The following ZFP90 variants were observed in gnomAD, a reference collection of about 807,000 sequenced individuals.
ZFP90 encodes zinc finger protein 90 homolog.
A neutral mutation model predicts 60.8 loss-of-function variants in ZFP90; 38 were observed. The observed-to-expected ratio is 0.62, with a 90% CI of 0.48 to 0.82. The LOEUF is 0.82. Among genes scored for constraint, ZFP90 ranks in the 40% least tolerant of loss-of-function variants. The pLI is 0.00. For synonymous variants in ZFP90, 287 were observed against 264.8 expected (o/e 1.08, Z -0.82); for missense variants, 711 against 759.1 (o/e 0.94, Z 0.74).
intron 2 of ZFP90, among the ~76,000 whole-genome samples, chr16:68,541,162 A>G (rs2091042459): frequency 6.6e-6 from 1 of 151,984 alleles, no homozygotes; most frequent in Non-Finnish European, 1.5e-5. Flanking sequence ...CAACCTCCCT[A>G]GTAGCTGGGA....
chr16:68,550,323 A>C lies in ZFP90; in HGVS notation c.34-7675A>C, dbSNP rs530000617. Reference sequence around the variant, plus strand: ...CGCCCAGGCTGGAGTGTAGTGGCGCAATCTTGGCTCACTGTAACCTCCGCC... The same window carrying C: ...CGCCCAGGCTGGAGTGTAGTGGCGCCATCTTGGCTCACTGTAACCTCCGCC... On this transcript the variant is annotated intron_variant, in intron 2 of 4. Transcript: ENST00000563169. Among the ~76,000 whole-genome samples, 177 of 152,254 alleles carry C rather than the reference A, an allele frequency of 1.2e-3. 2 individuals carry two copies. Among genetic ancestry groups the C allele is most frequent in the African/African-American group, 4.2e-3 (173 of 41,538 alleles).
chr16:68,558,115 G>A lies in ZFP90; in HGVS notation c.151G>A (p.Val51Ile), dbSNP rs928725070. 6 of 1,613,682 alleles carry A rather than the reference G, an allele frequency of 3.7e-6. No homozygotes were observed. In the Admixed American group the frequency reaches 6.7e-5, roughly 18 times the overall value. ...DVMLENYSHL[V>I]SLGYQVSKPE... ...GATGCTGGAGAACTATAGCCACCTG[G>A]TTTCTCTTGGTAAGGACCACTTCTC... Residue 51 changes from valine (V) to isoleucine (I), a missense_variant, in exon 3 of 5, where the codon GTT (valine) becomes ATT (isoleucine). Physicochemically the swap from Val to Ile is conservative, Grantham distance 29. Around this residue, in one of 5 missense-constraint regions of ZFP90, gnomAD observed 241 missense variants for 247.6 expected, o/e 0.97. Coordinates refer to ENST00000563169, the MANE Select transcript of ZFP90 (RefSeq NM_001305203.2).
intron 2 of ZFP90, among the ~76,000 whole-genome samples, chr16:68,542,776 T>G (rs1446988753): frequency 2.0e-5 from 3 of 152,174 alleles, no homozygotes; most frequent in Non-Finnish European, 2.9e-5. Flanking sequence ...TTTTTGGCCT[T>G]GTAACTCGTT....
At chr16:68,543,781 G>A (rs1294629061) in intron 2 of ZFP90, among the ~76,000 whole-genome samples, 13 of 150,974 alleles carry the variant, frequency 8.6e-5, no homozygotes, top group African/African-American at 2.7e-4. Context: ...GGATGGTCTC[G>A]ATCTCCTGAC....
intron 2 of ZFP90, among the ~76,000 whole-genome samples, chr16:68,553,531 C>T (rs1290627221): frequency 1.3e-5 from 2 of 152,100 alleles, no homozygotes; most frequent in East Asian, 1.9e-4. Context: ...TGCCTATAGG[C>T]GGCCATAAAG....
chr16:68,554,106 A>G (rs1406705258), intron 2 of ZFP90, among the ~76,000 whole-genome samples: 2 of 139,276 alleles, frequency 1.4e-5, no homozygotes, highest in Non-Finnish European at 3.1e-5. Context: ...TGAAGGGTTT[A>G]TGGGTTGTGT....
At chr16:68,546,726 G>A (rs888042483) in intron 2 of ZFP90, among the ~76,000 whole-genome samples, 1 of 152,130 alleles carries the variant, frequency 6.6e-6, no homozygotes, top group Admixed American at 6.6e-5. Context: ...TGGCCAGGCT[G>A]GTCTCGAACT....
chr16:68,561,791 A>C (rs192949373), intron 4 of ZFP90, among the ~76,000 whole-genome samples: 8 of 152,178 alleles, frequency 5.3e-5, no homozygotes, highest in Non-Finnish European at 2.9e-5. Flanking sequence ...ATTACAAGGC[A>C]TTCTCTGTCC....
intron 2 of ZFP90, among the ~76,000 whole-genome samples, chr16:68,572,958 G>T (rs1048782417): frequency 6.6e-6 from 1 of 152,226 alleles, no homozygotes; most frequent in Admixed American, 6.5e-5. Context: ...TCCCTGGGAA[G>T]GAAAGGATAG....
At chr16:68,559,889 G>C (rs1389508864) in intron 4 of ZFP90, among the ~76,000 whole-genome samples, 1 of 151,884 alleles carries the variant, frequency 6.6e-6, no homozygotes, top group East Asian at 1.9e-4. Context: ...TTTATTTTGA[G>C]ACAGGGTCTT....
upstream of ZFP90, among the ~76,000 whole-genome samples, chr16:68,538,889 G>A (rs2090983641): frequency 6.6e-6 from 1 of 152,090 alleles, no homozygotes; most frequent in Non-Finnish European, 1.5e-5. Context: ...GCCTTTTGAA[G>A]AAGATGTAAA....
upstream of ZFP90, chr16:68,535,681 C>G (rs373865951): frequency 1.5e-5 from 2 of 135,218 alleles, no homozygotes; most frequent in South Asian, 2.4e-4. Context: ...AAAAGAAAAA[C>G]AAAGCTCAAG....
At chr16:68,534,181 T>C (rs959726138) in intron 2 of ZFP90, among the ~76,000 whole-genome samples, 8 of 152,090 alleles carry the variant, frequency 5.3e-5, no homozygotes, top group Admixed American at 1.3e-4. Context: ...GTGTGTCTAA[T>C]CTATTATTAA....
upstream of ZFP90, among the ~76,000 whole-genome samples, chr16:68,535,218 C>T (rs1202590098): frequency 6.6e-6 from 1 of 152,216 alleles, no homozygotes; most frequent in African/African-American, 2.4e-5. Flanking sequence ...ACTACATTCT[C>T]AGCTTGCAGT....
chr16:68,564,591 A>T lies in ZFP90; in HGVS notation c.1804A>T (p.Ile602Phe). 1 of 1,614,168 alleles carries T rather than the reference A, an allele frequency of 6.2e-7. No homozygotes were observed. The highest frequency in any genetic ancestry group is 2.2e-5 in the East Asian group (1 of 44,874). ...KKTNLHDHQR[I>F]HTGEKPYSCK... ...AACCAACCTGCATGATCATCAGAGA[A>T]TTCATACTGGAGAAAAACCCTATTC... is the stretch of plus-strand genomic sequence containing the variant. The change falls in exon 5 of 5, where the codon ATT (isoleucine) becomes TTT (phenylalanine). Residue 602 changes from isoleucine to phenylalanine, a missense_variant. This residue lies in a region of ZFP90 where 295 missense variants were observed against 274.0 expected (regional missense o/e 1.08). Coordinates refer to ENST00000563169, the MANE Select transcript of ZFP90 (RefSeq NM_001305203.2).
chr16:68,550,199 CTAA>C (rs1457918913), intron 2 of ZFP90, among the ~76,000 whole-genome samples: 1 of 152,138 alleles, frequency 6.6e-6, no homozygotes, highest in Non-Finnish European at 1.5e-5. Context: ...TTTAAAATTA[CTAA>C]TGAGGCATTT....
chr16:68,544,477 T>C (rs2091109351), intron 2 of ZFP90, among the ~76,000 whole-genome samples: 1 of 152,206 alleles, frequency 6.6e-6, no homozygotes, highest in Non-Finnish European at 1.5e-5. Flanking sequence ...ATGCTTCATA[T>C]GGAGAACCAG....
upstream of ZFP90, among the ~76,000 whole-genome samples, chr16:68,538,537 A>G (rs1007923458): frequency 1.3e-5 from 2 of 152,100 alleles, no homozygotes; most frequent in African/African-American, 4.8e-5. Flanking sequence ...ACCTGTCTCT[A>G]CTAAATATAC....
intron 2 of ZFP90, 50 bp downstream of exon 2, chr16:68,539,875 C>T (rs749242461): frequency 2.7e-5 from 43 of 1,591,450 alleles, no homozygotes; most frequent in African/African-American, 5.4e-5. Context: ...TCTATCCATC[C>T]CATCTCCCAA....
Sources: gnomAD v4.1 joint callset for allele counts (sites outside exome capture counted in the v4.1 genomes callset) on GRCh38, gnomAD v4.1.1 for gene constraint, gnomAD v4.1.1 regional missense constraint, MANE v1.5 for transcripts, NCBI Gene and HGNC (gene_info 2026-07-23, HGNC 2026-07-21) for gene names.